Variants in EMC1 observed in about 807,000 individuals in gnomAD.
The protein encoded by EMC1 is ER membrane protein complex subunit 1, also known as KIAA0090.
EMC1 carries 103 observed loss-of-function variants against 128.8 expected under a neutral mutation model. The ratio of observed to expected loss-of-function variants is 0.80; its 90% CI spans 0.68 to 0.94. The LOEUF (loss-of-function observed/expected upper bound fraction) is 0.94. EMC1 is among the 40% of genes least tolerant of loss of function. The probability of loss-of-function intolerance (pLI) is 0.00; values close to 1 mark genes in which losing one functional copy is unlikely to be tolerated. For synonymous variants in EMC1, 442 were observed against 490.4 expected (o/e 0.90, Z 1.30); for missense variants, 1,083 against 1,250.6 (o/e 0.87, Z 2.02).
chr1:19,237,044 C>G, intron 12 of EMC1, 98 bp downstream of exon 12: 1 of 696,216 alleles, frequency 1.4e-6, no homozygotes, highest in Non-Finnish European at 2.6e-6. Context: ...CCACTTGAAT[C>G]TCTTCCAGAA....
chr1:19,235,131 T>G lies in EMC1; in HGVS notation c.1431A>C (p.Ala477=). 4 of 1,613,618 alleles carry G rather than the reference T, an allele frequency of 2.5e-6. No individual in the cohort carries two copies. The highest frequency in any genetic ancestry group is 3.4e-6 in the Non-Finnish European group (4 of 1,179,720). ...AGCTCCAACCTCTTAGGTTCATACCTGCCTTTTTGCCAAATTCTCCTTCCA... is the reference window on the plus strand; with the variant it reads ...AGCTCCAACCTCTTAGGTTCATACCGGCCTTTTTGCCAAATTCTCCTTCCA... ...AELEGEFGKK[A]DGLLGMFLKR... Residue 477 remains alanine (A), a splice_region_variant and synonymous_variant, in exon 13 of 23, where the codon GCA becomes GCC. Coordinates refer to ENST00000477853, the MANE Select transcript of EMC1 (RefSeq NM_015047.3).
chr1:19,221,209 C>T (rs904421561), intron 20 of EMC1: 6 of 182,664 alleles, frequency 3.3e-5, no homozygotes, highest in East Asian at 1.6e-4. Context: ...ATTGAGCAAA[C>T]GCAGCTGTTC....
chr1:19,233,911 A>G (rs77747660), intron 13 of EMC1, among the ~76,000 whole-genome samples: 6 of 152,338 alleles, frequency 3.9e-5, no homozygotes, highest in Non-Finnish European at 7.4e-5. Context: ...CATACGATGT[A>G]CATAAAGGAT....
At chr1:19,248,108 A>C (rs575669349) in intron 1 of EMC1, among the ~76,000 whole-genome samples, 1 of 152,260 alleles carries the variant, frequency 6.6e-6, no homozygotes, top group South Asian at 2.1e-4. Flanking sequence ...AAAACCTGCC[A>C]GTAAGACAGT....
chr1:19,239,756 T>G, intron 8 of EMC1, 62 bp downstream of exon 8: 1 of 1,545,298 alleles, frequency 6.5e-7, no homozygotes, highest in South Asian at 1.1e-5. Flanking sequence ...AGCACTGCCT[T>G]CTAGCATCCA....
chr1:19,231,123 A>C (rs1176618895), intron 16 of EMC1, 138 bp downstream of exon 16: 22 of 1,309,810 alleles, frequency 1.7e-5, no homozygotes, highest in Middle Eastern at 3.8e-4. Context: ...CACAGCCATC[A>C]TTTCTCTTCG....
At chr1:19,236,104 A>G (rs1357159893) in intron 12 of EMC1, among the ~76,000 whole-genome samples, 1 of 152,082 alleles carries the variant, frequency 6.6e-6, no homozygotes, top group African/African-American at 2.4e-5. Flanking sequence ...GGCCGGGCAT[A>G]GTGGCTCATG....
chr1:19,234,229 A>G, intron 13 of EMC1: 1 of 980,108 alleles, frequency 1.0e-6, no homozygotes, highest in Non-Finnish European at 1.2e-6. Context: ...AGTCAAATTA[A>G]TCCTCAGCTT....
Position 19,218,884 on chromosome 1 carries a change from G to A in EMC1, c.*419C>T, listed in dbSNP as rs1034767859. 1.8e-5 allele frequency: 3 copies of A among 168,922 alleles called. No homozygotes were observed. In the East Asian group the frequency reaches 4.9e-4, roughly 27 times the overall value. 10.5% of individuals were successfully genotyped at this position (168,922 alleles called of 1,614,324 possible). ...GTTCCCCTCTTACTTTGAAGCAAGA[G>A]ATGGAAAAAGTCAGAAAGATTTCTA... On this transcript the variant is annotated 3_prime_UTR_variant, in exon 23 of 23. Coordinates refer to ENST00000477853, the MANE Select transcript of EMC1 (RefSeq NM_015047.3).
chr1:19,240,815 C>G (rs898510535), intron 6 of EMC1: 4 of 618,520 alleles, frequency 6.5e-6, no homozygotes, highest in African/African-American at 3.7e-5. Flanking sequence ...AATTTTTTAG[C>G]CACCCCAGAA....
At chr1:19,226,125 GTC>G (rs1396118154) in intron 18 of EMC1, among the ~76,000 whole-genome samples, 4 of 152,130 alleles carry the variant, frequency 2.6e-5, no homozygotes, top group Non-Finnish European at 5.9e-5. Context: ...CTCCAATTCA[GTC>G]TCTGCTGTAC....
At chr1:19,251,374 A>G (rs774925132) in intron 1 of EMC1, 41 bp downstream of exon 1, 2 of 1,566,062 alleles carry the variant, frequency 1.3e-6, no homozygotes, top group Non-Finnish European at 1.8e-6. Context: ...GTACTGGGGA[A>G]ACAGCCACTT....
At chr1:19,243,026 AG>A (rs781275473) in intron 4 of EMC1, among the ~76,000 whole-genome samples, 13 of 152,338 alleles carry the variant, frequency 8.5e-5, no homozygotes, top group Admixed American at 2.6e-4. Flanking sequence ...TCACGGGGTC[AG>A]GAGTTCGAGA....
chr1:19,244,713 C>G, intron 2 of EMC1, 193 bp downstream of exon 2: 1 of 539,350 alleles, frequency 1.9e-6, no homozygotes, highest in Non-Finnish European at 3.2e-6. Context: ...GAGAACAAAC[C>G]GCAAAGGTCA....
chr1:19,241,181 A>G (rs2093603523), intron 5 of EMC1, 39 bp from the exon 6 acceptor site: 1 of 1,612,504 alleles, frequency 6.2e-7, no homozygotes, highest in Non-Finnish European at 8.5e-7. Context: ...TCAGCTTTCA[A>G]CCCAGGACAG....
chr1:19,249,247 G>A (rs2093645929), intron 1 of EMC1, among the ~76,000 whole-genome samples: 1 of 148,938 alleles, frequency 6.7e-6, no homozygotes, highest in Non-Finnish European at 1.5e-5. Flanking sequence ...AATGTCCTAA[G>A]CCTTTACATT....
chr1:19,248,345 C>T (rs1208082269), intron 1 of EMC1, among the ~76,000 whole-genome samples: 1 of 150,564 alleles, frequency 6.6e-6, no homozygotes, highest in Non-Finnish European at 1.5e-5. Flanking sequence ...CTACAGGCAC[C>T]CACCACCATG....
Position 19,242,408 on chromosome 1 carries a change from G to T in EMC1, c.446C>A (p.Thr149Asn), listed in dbSNP as rs142661057. The change falls in exon 5 of 23, where the codon ACT (threonine) becomes AAT (asparagine). Residue 149 changes from threonine to asparagine, a missense_variant. Coordinates refer to ENST00000477853, the MANE Select transcript of EMC1 (RefSeq NM_015047.3). The stretch of plus-strand genomic sequence containing the variant: ...GGAGAGGTGATGGAGGGCAAGTGTA[G>T]TCTTCTTCAGGACTGCGATGTACCT... ...SVRYIAVLKK[T>N]TLALHHLSSG... 15 of 1,614,084 alleles carry T rather than the reference G, an allele frequency of 9.3e-6. No homozygotes were observed. In the African/African-American group the frequency reaches 1.9e-4, roughly 20 times the overall value.
At chr1:19,227,483 A>T in intron 17 of EMC1, 33 bp from the exon 18 acceptor site, 1 of 1,613,740 alleles carries the variant, frequency 6.2e-7, no homozygotes, top group Non-Finnish European at 8.5e-7. Flanking sequence ...TGTAATCAGG[A>T]GGGTACACTT....
Sources: gnomAD v4.1 joint callset for allele counts (sites outside exome capture counted in the v4.1 genomes callset) on GRCh38, gnomAD v4.1.1 for gene constraint, MANE v1.5 for transcripts, NCBI Gene and HGNC (gene_info 2026-07-23, HGNC 2026-07-21) for gene names.